The following U2SURP variants were observed in gnomAD, a reference collection of about 807,000 sequenced individuals.
U2SURP encodes U2 snRNP associated SURP domain containing.
U2SURP carries 9 observed loss-of-function variants against 144.9 expected under a neutral mutation model. The ratio of observed to expected loss-of-function variants is 0.06; its 90% CI spans 0.04 to 0.11. U2SURP has a LOEUF of 0.11. Among genes scored for constraint, U2SURP ranks in the 10% least tolerant of loss-of-function variants. The pLI, the probability that U2SURP is intolerant of heterozygous loss-of-function variation, is 1.00. For synonymous variants in U2SURP, 408 were observed against 396.8 expected, an observed-to-expected ratio of 1.03 and a Z score of -0.33; for missense variants, 724 against 1,226.7, an observed-to-expected ratio of 0.59 and a Z score of 6.12.
chr3:143,024,012 C>G lies in U2SURP; in HGVS notation c.1268C>G (p.Thr423Arg). 6.2e-7 allele frequency: 1 copy of G among 1,612,574 alleles called. No homozygotes were observed. Among genetic ancestry groups the G allele is most frequent in the Non-Finnish European group, 8.5e-7 (1 of 1,178,804 alleles). ...GCCATAGTCAAAGTGGTTATCCCAACAGAAAGGTACATGTTTTTCTTTATT... is the reference window on the plus strand; with the variant it reads ...GCCATAGTCAAAGTGGTTATCCCAAGAGAAAGGTACATGTTTTTCTTTATT... ...SQAIVKVVIPTERNLLALIHR... is the reference protein window; with the variant it reads ...SQAIVKVVIPRERNLLALIHR... Residue 423 changes from threonine (T) to arginine (R), a missense_variant, in exon 13 of 28, where the codon ACA becomes AGA. Transcript: ENST00000473835.
intron 1 of U2SURP, among the ~76,000 whole-genome samples, chr3:143,006,421 T>C (rs977768180): frequency 5.9e-5 from 9 of 152,166 alleles, no homozygotes; most frequent in Non-Finnish European, 1.2e-4. Flanking sequence ...TGCCAGATCT[T>C]GTGCTTGATG....
At chr3:143,015,607 T>C (rs1936333526) in intron 4 of U2SURP, among the ~76,000 whole-genome samples, 2 of 152,116 alleles carry the variant, frequency 1.3e-5, no homozygotes, top group African/African-American at 4.8e-5. Flanking sequence ...TATCCTAGTA[T>C]CATTTATTGA....
intron 24 of U2SURP, among the ~76,000 whole-genome samples, chr3:143,045,366 CAAAAAAAA>C (rs11356372): frequency 5.3e-5 from 4 of 75,424 alleles, no homozygotes; most frequent in South Asian, 4.9e-4. Context: ...GAGACGCCGT[CAAAAAAAA>C]AAAAAAAAAA....
At chr3:143,017,019 C>A in intron 6 of U2SURP, 44 bp downstream of exon 6, 1 of 1,519,840 alleles carries the variant, frequency 6.6e-7, no homozygotes, top group Non-Finnish European at 8.8e-7. Context: ...TCAGAGATGA[C>A]ACTGCCAGTG....
At chr3:143,041,887 ATT>A (rs1167677212) in intron 23 of U2SURP, among the ~76,000 whole-genome samples, 1 of 151,908 alleles carries the variant, frequency 6.6e-6, no homozygotes. Flanking sequence ...TTTGTAAGGA[ATT>A]TTGTTTGTAT....
At position 143,036,200 on chromosome 3, in the gene U2SURP, C is replaced by A. The variant is rs985749643; in HGVS notation, c.2064+96C>A. ...TGTGTTACATATGTGAGGTACATTT[C>A]TTTGTGAAAAATATCTATTGCTTAC... On this transcript the variant is annotated intron_variant, in intron 20 of 27. Transcript: ENST00000473835. The A allele has an allele frequency of 3.0e-6, 4 of 1,315,662 alleles. No individual in the cohort carries two copies. In the African/African-American group the frequency reaches 6.0e-5, roughly 20 times the overall value. 81.5% of individuals were successfully genotyped at this position (1,315,662 alleles called of 1,614,324 possible).
At position 143,005,450 on chromosome 3, in the gene U2SURP, A is replaced by G. The variant is rs138106111; in HGVS notation, c.45+3777A>G. 4.5e-3 allele frequency among the ~76,000 whole-genome samples: 686 copies of G among 152,340 alleles called. 1 individual carries two copies. Among genetic ancestry groups the G allele is most frequent in the African/African-American group, 0.013 (555 of 41,578 alleles). On this transcript the variant is annotated intron_variant, in intron 1 of 27. Transcript: ENST00000473835. ...AATCAGGCTTTCAAACAGTTTGCCA[A>G]TTTTAAACTGAATCTTTATTATGGT...
At chr3:143,043,037 G>T in intron 23 of U2SURP, 80 bp from the exon 24 acceptor site, 4 of 1,348,532 alleles carry the variant, frequency 3.0e-6, no homozygotes, top group Non-Finnish European at 4.0e-6. Context: ...CTAAGACAAT[G>T]AAAAATAAAA....
intron 1 of U2SURP, among the ~76,000 whole-genome samples, chr3:143,010,274 C>G (rs543433114): frequency 2.0e-5 from 3 of 152,330 alleles, no homozygotes; most frequent in Admixed American, 1.3e-4. Flanking sequence ...GACATGCTAT[C>G]GAATCATCTC....
chr3:143,003,647 C>T (rs1376879501), intron 1 of U2SURP, among the ~76,000 whole-genome samples: 1 of 149,994 alleles, frequency 6.7e-6, no homozygotes, highest in African/African-American at 2.4e-5. Context: ...TAATGACTGC[C>T]CAGATAGCTG....
intron 8 of U2SURP, 129 bp downstream of exon 8, chr3:143,020,822 C>T: frequency 1.5e-6 from 1 of 650,222 alleles, no homozygotes. Flanking sequence ...TATCCTTTTC[C>T]TTACACATTC....
intron 1 of U2SURP, 21 bp from the exon 2 acceptor site, chr3:143,010,794 T>G: frequency 1.9e-6 from 3 of 1,591,108 alleles, no homozygotes; most frequent in Non-Finnish European, 2.6e-6. Flanking sequence ...AATTATTGAC[T>G]TTTATTTTTG....
At chr3:143,055,664 C>G (rs75022466) in intron 27 of U2SURP, among the ~76,000 whole-genome samples, 1 of 151,940 alleles carries the variant, frequency 6.6e-6, no homozygotes, top group Non-Finnish European at 1.5e-5. Flanking sequence ...GCTTTGTATG[C>G]TAATACTTTA....
intron 25 of U2SURP, among the ~76,000 whole-genome samples, chr3:143,051,928 G>T (rs906843940): frequency 6.6e-6 from 1 of 151,898 alleles, no homozygotes. Flanking sequence ...TTAGCTATAC[G>T]GTTCCTATAA....
chr3:143,026,545 G>A (rs191713812), intron 13 of U2SURP: 1 of 152,246 alleles, frequency 6.6e-6, no homozygotes, highest in Admixed American at 6.5e-5. Flanking sequence ...AAGGGATGTT[G>A]CCTCATTAAA....
rs746488827 is a variant in U2SURP at position 143,020,049 on chromosome 3, G to A, written c.638+13G>A. On this transcript the variant is annotated intron_variant, in intron 7 of 27. Transcript: ENST00000473835. ...AAGAATTAAAGCAGTAAGTTTTATA[G>A]TGTGGAGAATAACTATCATAGGTGT... 1 of 1,455,968 alleles carries A rather than the reference G, an allele frequency of 6.9e-7. No homozygotes were observed. The highest frequency in any genetic ancestry group is 1.4e-5 in the South Asian group (1 of 73,434). The allele number at this position is 1,455,968 out of a possible 1,614,324, so 90.2% of individuals were successfully genotyped here.
intron 18 of U2SURP, among the ~76,000 whole-genome samples, chr3:143,034,254 ATTAGCTGG>A (rs2108296595): frequency 6.6e-6 from 1 of 152,196 alleles, no homozygotes; most frequent in African/African-American, 2.4e-5. Flanking sequence ...AAATACAAAG[ATTAGCTGG>A]GCGTGGTGGT....
rs775057563 is a variant in U2SURP, at chr3:143,022,949, A to G, written c.1115A>G (p.His372Arg). ...PIYIPPSMME[H>R]TLPPPPSGLP... ...TACATTCCGCCTTCTATGATGGAACATACGCTTCCCCCACCTCCATCCGGA... is the reference window on the plus strand; with the variant it reads ...TACATTCCGCCTTCTATGATGGAACGTACGCTTCCCCCACCTCCATCCGGA... Residue 372 changes from histidine (H) to arginine (R), a missense_variant, in exon 12 of 28, where the codon CAT becomes CGT. By Grantham distance (29) the His-to-Arg change is conservative (BLOSUM62 0). Coordinates refer to ENST00000473835, the MANE Select transcript of U2SURP (RefSeq NM_001080415.2). 6 of 1,612,600 alleles carry G rather than the reference A, an allele frequency of 3.7e-6. No homozygotes were observed. The highest frequency in any genetic ancestry group is 8.5e-7 in the Non-Finnish European group (1 of 1,179,380).
chr3:143,033,034 G>GC, intron 17 of U2SURP, 88 bp downstream of exon 17: 1 of 1,426,048 alleles, frequency 7.0e-7, no homozygotes, highest in Non-Finnish European at 9.5e-7. Context: ...GCACTTGACT[G>GC]ATGAGATTTT....
Sources: allele counts gnomAD v4.1 joint callset (sites outside exome capture counted in the v4.1 genomes callset), GRCh38; gene constraint gnomAD v4.1.1; transcripts MANE v1.5; gene names NCBI Gene and HGNC (gene_info 2026-07-23, HGNC 2026-07-21).